ZNF385B: variants seen among roughly 807,000 people sequenced by gnomAD.
ZNF385B encodes zinc finger protein 533.
ZNF385B carries 23 observed loss-of-function variants against 39.2 expected under a neutral mutation model. The observed-to-expected ratio is 0.59, with a 90% confidence interval of 0.42 to 0.83. The LOEUF (loss-of-function observed/expected upper bound fraction) is 0.83. ZNF385B is among the 40% of genes least tolerant of loss of function. The pLI, the probability that ZNF385B is intolerant of heterozygous loss-of-function variation, is 0.00. For missense variants in ZNF385B, 552 were observed against 598.9 expected (o/e 0.92, Z 0.82); for synonymous variants, 205 against 222.6 (o/e 0.92, Z 0.70).
intron 6 of ZNF385B, among the ~76,000 whole-genome samples, chr2:179,456,647 C>G (rs923751196): frequency 6.6e-6 from 1 of 152,084 alleles, no homozygotes; most frequent in African/African-American, 2.4e-5. Context: ...TTCTTAAAAG[C>G]TGAAATCAGT....
At chr2:179,677,537 A>G (rs1370265284) in intron 3 of ZNF385B, among the ~76,000 whole-genome samples, 2 of 152,258 alleles carry the variant, frequency 1.3e-5, no homozygotes, top group African/African-American at 4.8e-5. Context: ...TGTTTACTAT[A>G]AAAGTTAAAA....
chr2:179,553,323 T>C (rs1260845717), intron 3 of ZNF385B, among the ~76,000 whole-genome samples: 1 of 149,046 alleles, frequency 6.7e-6, no homozygotes, highest in Non-Finnish European at 1.5e-5. Context: ...AATAATAGTA[T>C]TATTTGATTC....
At chr2:179,778,370 A>G (rs1704467357) in intron 1 of ZNF385B, among the ~76,000 whole-genome samples, 1 of 152,166 alleles carries the variant, frequency 6.6e-6, no homozygotes, top group Admixed American at 6.5e-5. Context: ...ATGTAACCAT[A>G]AACACTTTTC....
intron 3 of ZNF385B, among the ~76,000 whole-genome samples, chr2:179,630,533 A>ATGAGGAACCACATCAAAGATGAGGATAT (rs1691105521): frequency 6.6e-6 from 1 of 152,240 alleles, no homozygotes; most frequent in Admixed American, 6.5e-5. Context: ...AACATCAAAG[A>ATGAGGAACCACATCAAAGATGAGGATAT]CCAAAGGTAG....
chr2:179,675,282 G>A (rs751488970), intron 3 of ZNF385B, among the ~76,000 whole-genome samples: 1 of 152,106 alleles, frequency 6.6e-6, no homozygotes, highest in African/African-American at 2.4e-5. Context: ...CACCTTAGTC[G>A]TCCTCATGTA....
At chr2:179,494,360 C>T (rs2055920113) in intron 5 of ZNF385B, among the ~76,000 whole-genome samples, 1 of 152,112 alleles carries the variant, frequency 6.6e-6, no homozygotes. Context: ...GGAGAACCAA[C>T]CATGTGTGTA....
intron 3 of ZNF385B, among the ~76,000 whole-genome samples, chr2:179,738,725 G>T (rs530067856): frequency 6.6e-6 from 1 of 152,248 alleles, no homozygotes; most frequent in African/African-American, 2.4e-5. Context: ...TTTAGTGTGG[G>T]AGGTGGCTCA....
intron 1 of ZNF385B, among the ~76,000 whole-genome samples, chr2:179,801,428 G>A (rs1378737844): frequency 1.3e-5 from 2 of 151,928 alleles, no homozygotes; most frequent in Non-Finnish European, 2.9e-5. Flanking sequence ...GTACTTCCCT[G>A]TACCTAGATG....
intron 3 of ZNF385B, among the ~76,000 whole-genome samples, chr2:179,758,755 C>A (rs1703194158): frequency 6.6e-6 from 1 of 152,162 alleles, no homozygotes; most frequent in Admixed American, 6.5e-5. Context: ...GCAGCAACTG[C>A]CACATGCATG....
At chr2:179,734,604 C>A (rs1463439726) in intron 3 of ZNF385B, among the ~76,000 whole-genome samples, 1 of 152,092 alleles carries the variant, frequency 6.6e-6, no homozygotes. Flanking sequence ...GTCCTTTAGT[C>A]AACATTTTAA....
intron 3 of ZNF385B, among the ~76,000 whole-genome samples, chr2:179,696,326 C>CTTTT (rs71029828): frequency 0.081 from 3,240 of 40,090 alleles, 1,180 homozygotes; most frequent in African/African-American, 0.09. Flanking sequence ...CAAACTGGGA[C>CTTTT]TTTTTTTTTT....
chr2:179,465,929 T>C (rs1373880515), intron 6 of ZNF385B, among the ~76,000 whole-genome samples: 3 of 152,170 alleles, frequency 2.0e-5, no homozygotes, highest in Non-Finnish European at 4.4e-5. Context: ...CAGAAAGCCA[T>C]AGGTGAGCAA....
At chr2:179,813,738 A>G (rs1452530735) in intron 1 of ZNF385B, among the ~76,000 whole-genome samples, 2 of 152,206 alleles carry the variant, frequency 1.3e-5, no homozygotes, top group South Asian at 4.1e-4. Flanking sequence ...TAAGAATCTC[A>G]GGAGAAAGGC....
At chr2:179,603,923 G>T (rs1040802867) in intron 3 of ZNF385B, among the ~76,000 whole-genome samples, 5 of 152,164 alleles carry the variant, frequency 3.3e-5, no homozygotes, top group Non-Finnish European at 5.9e-5. Context: ...TAACTATAGT[G>T]TGATATATTA....
Position 179,707,405 on chromosome 2 carries a change from C to T in ZNF385B, c.298+62098G>A, listed in dbSNP as rs191190517. ...AGCCATCCCCCTCTTAGCTGAGTGG[C>T]TGTGGGCTGCAAGGAAGCCTGGCTA... is the stretch of plus-strand genomic sequence containing the variant. On this transcript the variant is annotated intron_variant, in intron 3 of 9. Coordinates refer to ENST00000410066, the MANE Select transcript of ZNF385B (RefSeq NM_152520.6). Among the ~76,000 whole-genome samples, 329 of 152,324 alleles carry T rather than the reference C, an allele frequency of 2.2e-3. 4 individuals are homozygous for T. Among genetic ancestry groups the T allele is most frequent in the Non-Finnish European group, 3.7e-3 (253 of 68,024 alleles).
At chr2:179,452,406 G>A (rs562913982) in intron 6 of ZNF385B, among the ~76,000 whole-genome samples, 3 of 151,922 alleles carry the variant, frequency 2.0e-5, no homozygotes, top group Non-Finnish European at 4.4e-5. Context: ...AGACTAATAT[G>A]CTAAGATAAA....
rs1703906784 is a variant in ZNF385B at position 179,769,752 on chromosome 2, T to C, written c.49A>G (p.Asn17Asp). ...AAGCCCCGTAGAAAATTTGCCATAT[T>C]CATGATTCCATCTTCAAGATGGTTG... ...PDNHLEDGIM[N>D]MANFLRGFEE... The change falls in exon 3 of 10, where the codon AAT (asparagine) becomes GAT (aspartate). Residue 17 changes from asparagine (N) to aspartate (D), a missense_variant. By Grantham distance (23) the Asn-to-Asp change is conservative. Transcript: ENST00000410066. 5.6e-6 allele frequency: 9 copies of C among 1,613,954 alleles called. No homozygotes were observed. The highest frequency in any genetic ancestry group is 7.6e-6 in the Non-Finnish European group (9 of 1,179,896).
At chr2:179,754,023 G>A (rs1046669558) in intron 3 of ZNF385B, among the ~76,000 whole-genome samples, 6 of 152,144 alleles carry the variant, frequency 3.9e-5, no homozygotes, top group African/African-American at 1.4e-4. Context: ...TTTTCAAAGG[G>A]AATGCTTCCA....
At chr2:179,852,015 A>G (rs1043997678) in intron 1 of ZNF385B, among the ~76,000 whole-genome samples, 1 of 152,192 alleles carries the variant, frequency 6.6e-6, no homozygotes, top group African/African-American at 2.4e-5. Context: ...ACAAATTTAA[A>G]CCTTGCTTAT....
Sources: gnomAD v4.1 joint callset for allele counts (sites outside exome capture counted in the v4.1 genomes callset) on GRCh38, gnomAD v4.1.1 for gene constraint, MANE v1.5 for transcripts, NCBI Gene and HGNC (gene_info 2026-07-23, HGNC 2026-07-21) for gene names.